Variants in CNTNAP3B observed in about 807,000 individuals in gnomAD.
CNTNAP3B encodes contactin-associated protein-like 3B.
Under a neutral mutation model 108.9 loss-of-function variants are expected in CNTNAP3B, and 25 were observed. The ratio of observed to expected loss-of-function variants is 0.23; its 90% CI spans 0.17 to 0.32. The LOEUF is 0.32. Among genes scored for constraint, CNTNAP3B ranks in the 10% least tolerant of loss-of-function variants. The pLI is 1.00. For synonymous variants in CNTNAP3B, 103 were observed against 473.4 expected (o/e 0.22, Z 10.16); for missense variants, 252 against 1,210.4 (o/e 0.21, Z 11.75).
intron 10 of CNTNAP3B, among the ~76,000 whole-genome samples, chr9:41,966,954 G>A (rs866310097): frequency 2.7e-4 from 40 of 150,404 alleles, no homozygotes; most frequent in South Asian, 2.5e-3. Context: ...GCGATAGAGC[G>A]AGACTCTGTC....
intron 2 of CNTNAP3B, among the ~76,000 whole-genome samples, chr9:42,086,112 C>A (rs1379988870): frequency 6.4e-5 from 9 of 140,484 alleles, no homozygotes; most frequent in Admixed American, 2.8e-4. Flanking sequence ...ACAATCATGG[C>A]AGAAGGCGAA....
intron 10 of CNTNAP3B, among the ~76,000 whole-genome samples, chr9:41,969,038 C>T (rs1274693523): frequency 4.6e-5 from 7 of 152,288 alleles, no homozygotes; most frequent in African/African-American, 9.6e-5. Context: ...CCTCGTGATC[C>T]GCCCGCCTTG....
chr9:41,949,922 TAA>T (rs1247433548), intron 13 of CNTNAP3B, among the ~76,000 whole-genome samples: 6 of 152,252 alleles, frequency 3.9e-5, no homozygotes, highest in Admixed American at 2.0e-4. Flanking sequence ...AAATTCCAGT[TAA>T]GAGTCGATGA....
chr9:42,109,859 G>T (rs1436432570), intron 1 of CNTNAP3B, among the ~76,000 whole-genome samples: 1 of 135,446 alleles, frequency 7.4e-6, no homozygotes, highest in Non-Finnish European at 1.6e-5. Flanking sequence ...CATCAGAACT[G>T]CCCTTGTAAG....
intron 3 of CNTNAP3B, among the ~76,000 whole-genome samples, chr9:42,053,331 CAT>C (rs1460343826): frequency 6.4e-5 from 8 of 125,722 alleles, no homozygotes; most frequent in African/African-American, 2.2e-4. Context: ...GCCTAAATGA[CAT>C]GTTTTAGCCA....
At position 41,956,946 on chromosome 9, in the gene CNTNAP3B, GC is replaced by G. The variant is rs1272039232; in HGVS notation, c.1877-3561del. On this transcript the variant is annotated intron_variant, in intron 12 of 23. Coordinates refer to ENST00000377561, the MANE Select transcript of CNTNAP3B (RefSeq NM_001201380.3). Reference sequence around the variant, plus strand: ...ACCTGAGTTCGGGAGTTGAAGACCAGCCTGACCAACATGGAGAAACCCTGTC... The same window carrying G: ...ACCTGAGTTCGGGAGTTGAAGACCAGCTGACCAACATGGAGAAACCCTGTC... 7.8e-5 allele frequency among the ~76,000 whole-genome samples: 10 copies of G among 128,994 alleles called. 1 individual carries two copies. Among genetic ancestry groups the G allele is most frequent in the African/African-American group, 3.2e-4 (10 of 31,514 alleles). 84.6% of individuals were successfully genotyped at this position (128,994 alleles called of 152,430 possible).
At chr9:42,119,265 C>T (rs1398694973) in intron 1 of CNTNAP3B, among the ~76,000 whole-genome samples, 1 of 124,356 alleles carries the variant, frequency 8.0e-6, no homozygotes, top group Non-Finnish European at 1.7e-5. Context: ...AGGAATCCAA[C>T]TTACAAGGGA....
At chr9:41,944,231 C>T (rs1276759658) in intron 13 of CNTNAP3B, among the ~76,000 whole-genome samples, 335 of 147,450 alleles carry the variant, frequency 2.3e-3, no homozygotes, top group Admixed American at 4.9e-3. Flanking sequence ...GTCAAAAACA[C>T]AGAAATACAT....
intron 13 of CNTNAP3B, among the ~76,000 whole-genome samples, chr9:41,942,117 A>G (rs1326894604): frequency 6.6e-6 from 1 of 152,282 alleles, no homozygotes; most frequent in Non-Finnish European, 1.5e-5. Context: ...GAAGCTGAGA[A>G]GCACTCTGAA....
chr9:42,033,320 TAA>T (rs201205104), intron 3 of CNTNAP3B, among the ~76,000 whole-genome samples: 6,557 of 140,992 alleles, frequency 0.047, 50 homozygotes, highest in East Asian at 0.14. Context: ...CAAATAAATA[TAA>T]GTGAAAAGCT....
chr9:42,055,494 A>G (rs1455686562), intron 3 of CNTNAP3B, among the ~76,000 whole-genome samples: 1 of 143,964 alleles, frequency 6.9e-6, no homozygotes, highest in Admixed American at 7.0e-5. Context: ...ATTTACCATT[A>G]TATTCATAAA....
chr9:41,962,858 G>T (rs1287342933), intron 11 of CNTNAP3B, among the ~76,000 whole-genome samples: 1 of 152,146 alleles, frequency 6.6e-6, no homozygotes, highest in Non-Finnish European at 1.5e-5. Flanking sequence ...GGGAGGCTGA[G>T]GCAGGAGAAT....
At chr9:41,931,144 G>A (rs1396263367) in intron 14 of CNTNAP3B, among the ~76,000 whole-genome samples, 1 of 152,278 alleles carries the variant, frequency 6.6e-6, no homozygotes, top group African/African-American at 2.4e-5. Context: ...TTTCATCATT[G>A]CAACACTTTT....
intron 1 of CNTNAP3B, among the ~76,000 whole-genome samples, chr9:42,124,195 T>C (rs1351991178): frequency 7.4e-6 from 1 of 135,392 alleles, no homozygotes; most frequent in Non-Finnish European, 1.6e-5. Context: ...TCACTCTTCG[T>C]ATTATTACAA....
At chr9:41,928,096 A>G (rs1356943141) in intron 15 of CNTNAP3B, among the ~76,000 whole-genome samples, 2 of 152,266 alleles carry the variant, frequency 1.3e-5, no homozygotes, top group African/African-American at 2.4e-5. Context: ...AAGTTTTTGA[A>G]ATTGAAGGAT....
At chr9:41,948,032 C>T (rs1350754656) in intron 13 of CNTNAP3B, among the ~76,000 whole-genome samples, 3 of 48,284 alleles carry the variant, frequency 6.2e-5, no homozygotes, top group Admixed American at 2.5e-4. Context: ...TTTAAAATTA[C>T]TGAAAAAAAA....
chr9:42,030,750 CAGAGAGAGAGAGAGAG>C, intron 3 of CNTNAP3B, among the ~76,000 whole-genome samples: 1 of 60,436 alleles, frequency 1.7e-5, no homozygotes, highest in East Asian at 5.9e-4. Context: ...GAAAGAGATA[CAGAGAGAGAGAGAGAG>C]AGAGAGAGAG....
Position 42,129,246 on chromosome 9 carries a change from C to A in CNTNAP3B, c.-152G>T, listed in dbSNP as rs1442739557. 6.0e-6 allele frequency: 7 copies of A among 1,170,342 alleles called. 1 individual carries two copies. The highest frequency in any genetic ancestry group is 7.9e-6 in the Non-Finnish European group (7 of 890,144). 72.5% of individuals were successfully genotyped at this position (1,170,342 alleles called of 1,614,324 possible). On this transcript the variant is annotated 5_prime_UTR_variant, in exon 1 of 24. Coordinates refer to ENST00000377561, the MANE Select transcript of CNTNAP3B (RefSeq NM_001201380.3). Reference sequence around the variant, plus strand: ...AGTCTCTAGCTCTCTTCCTCACGCACTGGCAGCCTCCCTCGGCGCTGCAGA... The same window carrying A: ...AGTCTCTAGCTCTCTTCCTCACGCAATGGCAGCCTCCCTCGGCGCTGCAGA...
chr9:41,952,036 G>A (rs1415952947), intron 13 of CNTNAP3B, among the ~76,000 whole-genome samples: 1 of 152,262 alleles, frequency 6.6e-6, no homozygotes, highest in Non-Finnish European at 1.5e-5. Flanking sequence ...CAAAGATCGT[G>A]CCACTGCACT....
Sources: gnomAD v4.1 joint callset for allele counts (sites outside exome capture counted in the v4.1 genomes callset) on GRCh38, gnomAD v4.1.1 for gene constraint, MANE v1.5 for transcripts, NCBI Gene and HGNC (gene_info 2026-07-23, HGNC 2026-07-21) for gene names.